Variants in ZNF516 observed in about 807,000 individuals in gnomAD.
ZNF516 encodes zinc finger protein 516.
Under a neutral mutation model 79.7 loss-of-function variants are expected in ZNF516, and 19 were observed. That is an observed-to-expected ratio of 0.24 (90% confidence interval 0.17 to 0.35). The LOEUF (loss-of-function observed/expected upper bound fraction) is 0.35. ZNF516 is among the 10% of genes least tolerant of loss of function. ZNF516 has a pLI of 1.00. For missense variants in ZNF516, 1,678 were observed against 1,679.5 expected, an observed-to-expected ratio of 1.00 and a Z score of 0.02; for synonymous variants, 877 against 739.5, an observed-to-expected ratio of 1.19 and a Z score of -3.02.
intron 1 of ZNF516, chr18:76,487,899 C>A: frequency 1.0e-6 from 1 of 983,854 alleles, no homozygotes; most frequent in Non-Finnish European, 1.2e-6. Flanking sequence ...GGTGGAAGGA[C>A]TGAGGATGAG....
intron 3 of ZNF516, among the ~76,000 whole-genome samples, chr18:76,416,446 G>A (rs1202459102): frequency 6.6e-6 from 1 of 152,214 alleles, no homozygotes; most frequent in Non-Finnish European, 1.5e-5. Context: ...TAATAACCAA[G>A]GAGGTATAAG....
chr18:76,483,566 T>G (rs1369668672), intron 1 of ZNF516, among the ~76,000 whole-genome samples: 1 of 152,198 alleles, frequency 6.6e-6, no homozygotes, highest in Non-Finnish European at 1.5e-5. Context: ...CCCCGTCAGC[T>G]GGCCCACCCG....
intron 6 of ZNF516, among the ~76,000 whole-genome samples, chr18:76,369,509 T>C (rs2074668373): frequency 6.6e-6 from 1 of 152,156 alleles, no homozygotes. Context: ...AGTGGGTCCT[T>C]GGTGAAGCCA....
At chr18:76,447,312 C>T (rs1180529042) in intron 2 of ZNF516, among the ~76,000 whole-genome samples, 1 of 152,198 alleles carries the variant, frequency 6.6e-6, no homozygotes, top group Non-Finnish European at 1.5e-5. Context: ...CCCGCCAACC[C>T]CTGTAAGCCA....
chr18:76,440,618 T>C (rs2075801551), intron 3 of ZNF516, among the ~76,000 whole-genome samples: 1 of 152,242 alleles, frequency 6.6e-6, no homozygotes, highest in South Asian at 2.1e-4. Flanking sequence ...AAGTAATCTG[T>C]TCCAATTAAC....
chr18:76,449,843 T>G (rs541677998), intron 2 of ZNF516, among the ~76,000 whole-genome samples: 4 of 152,200 alleles, frequency 2.6e-5, no homozygotes, highest in Non-Finnish European at 4.4e-5. Context: ...AATAGCTAAA[T>G]AGGAACACCT....
At chr18:76,491,146 G>A (rs1420938232) in intron 1 of ZNF516, 6 of 967,628 alleles carry the variant, frequency 6.2e-6, no homozygotes, top group Non-Finnish European at 7.4e-6. Context: ...GTTTAAAATA[G>A]AAACCAATTA....
At chr18:76,439,974 T>C (rs369253832) in intron 3 of ZNF516, among the ~76,000 whole-genome samples, 18 of 152,154 alleles carry the variant, frequency 1.2e-4, no homozygotes, top group Non-Finnish European at 1.6e-4. Flanking sequence ...AAAGTGTTCA[T>C]TGAATGAGCA....
intron 3 of ZNF516, among the ~76,000 whole-genome samples, chr18:76,402,326 C>T (rs943225888): frequency 6.6e-6 from 1 of 152,182 alleles, no homozygotes. Flanking sequence ...CCCGTAACCT[C>T]CCAGAGCCAC....
At chr18:76,434,352 C>T (rs975565482) in intron 3 of ZNF516, among the ~76,000 whole-genome samples, 1 of 152,152 alleles carries the variant, frequency 6.6e-6, no homozygotes, top group South Asian at 2.1e-4. Context: ...CCAGCACTAC[C>T]CCTCCTGCAG....
chr18:76,488,498 T>C (rs1291971203), intron 1 of ZNF516, among the ~76,000 whole-genome samples: 2 of 138,640 alleles, frequency 1.4e-5, no homozygotes, highest in African/African-American at 2.5e-5. Flanking sequence ...CAACTGAACT[T>C]TTCCCACAGC....
chr18:76,391,244 C>T lies in ZNF516; in HGVS notation c.1811-10941G>A, dbSNP rs192984601. On this transcript the variant is annotated intron_variant, in intron 3 of 6. Coordinates refer to ENST00000443185, the MANE Select transcript of ZNF516 (RefSeq NM_014643.4). ...GTAAGGGCTCTGGCCGAGGAGGGTA[C>T]TACCATAAGCACAAGCCAAACCACA... Among the ~76,000 whole-genome samples the T allele has an allele frequency of 1.1e-3, 172 of 152,252 alleles. 1 individual carries two copies. The highest frequency in any genetic ancestry group is 0.011 in the South Asian group (53 of 4,828).
In ZNF516 at chr18:76,442,538, C is replaced by T; in HGVS notation, c.517G>A (p.Ala173Thr). The T allele has an allele frequency of 6.3e-7, 1 of 1,599,746 alleles. No individual in the cohort carries two copies. Among genetic ancestry groups the T allele is most frequent in the Non-Finnish European group, 8.5e-7 (1 of 1,179,482 alleles). ...CTCTTGCAGAAGGAGCACTGGACCG[C>T]TGCCTTGGCCTCCCCCGGGGCGCAT... ...SACAPGEAKAAVQCSFCKSQF... is the reference protein window; with the variant it reads ...SACAPGEAKATVQCSFCKSQF... The change falls in exon 3 of 7, where the codon GCG becomes ACG. Residue 173 changes from alanine (A) to threonine (T), a missense_variant. By Grantham distance (58) the Ala-to-Thr change is moderately conservative. Around this residue, in one of 5 missense-constraint regions of ZNF516, gnomAD observed 279 missense variants for 254.1 expected, o/e 1.10. Coordinates refer to ENST00000443185, the MANE Select transcript of ZNF516 (RefSeq NM_014643.4).
At chr18:76,423,379 G>A (rs1004250631) in intron 3 of ZNF516, among the ~76,000 whole-genome samples, 6 of 152,214 alleles carry the variant, frequency 3.9e-5, no homozygotes, top group African/African-American at 7.2e-5. Context: ...GCAACAAGAC[G>A]TGACAAAACA....
At chr18:76,385,139 C>T (rs370553359) in intron 3 of ZNF516, among the ~76,000 whole-genome samples, 37 of 152,360 alleles carry the variant, frequency 2.4e-4, no homozygotes, top group Admixed American at 9.8e-4. Context: ...GTGCCACAGA[C>T]GGTGACTATG....
At chr18:76,398,295 A>C (rs181501663) in intron 3 of ZNF516, among the ~76,000 whole-genome samples, 9 of 152,356 alleles carry the variant, frequency 5.9e-5, no homozygotes, top group African/African-American at 2.2e-4. Context: ...GAGAAAATAC[A>C]ATCAATATAT....
intron 6 of ZNF516, among the ~76,000 whole-genome samples, chr18:76,367,606 G>A (rs2074635383): frequency 1.3e-5 from 2 of 151,994 alleles, no homozygotes; most frequent in Admixed American, 1.3e-4. Flanking sequence ...AGCTCTTTAG[G>A]GACGCCCATC....
At chr18:76,389,894 C>T (rs2075046930) in intron 3 of ZNF516, among the ~76,000 whole-genome samples, 1 of 152,276 alleles carries the variant, frequency 6.6e-6, no homozygotes, top group African/African-American at 2.4e-5. Flanking sequence ...CGTTGCTAGT[C>T]CTGCTCGGTC....
chr18:76,422,799 A>T (rs1198277458), intron 3 of ZNF516, among the ~76,000 whole-genome samples: 1 of 152,184 alleles, frequency 6.6e-6, no homozygotes, highest in African/African-American at 2.4e-5. Context: ...TGGGCAGAAC[A>T]GGTTAGAAAG....
Sources: allele counts gnomAD v4.1 joint callset (sites outside exome capture counted in the v4.1 genomes callset), GRCh38; gene constraint gnomAD v4.1.1; regional missense constraint gnomAD v4.1.1; transcripts MANE v1.5; gene names NCBI Gene and HGNC (gene_info 2026-07-23, HGNC 2026-07-21).